The following TENM4 variants were observed in gnomAD, a reference collection of about 807,000 sequenced individuals.
TENM4 encodes teneurin-4.
A neutral mutation model predicts 243.3 loss-of-function variants in TENM4; 82 were observed. The observed-to-expected ratio is 0.34, with a 90% CI of 0.28 to 0.40. TENM4 has a LOEUF of 0.40. TENM4 is among the 10% of genes least tolerant of loss of function. The probability of loss-of-function intolerance (pLI) is 1.00; values close to 1 mark genes in which losing one functional copy is unlikely to be tolerated. For missense variants in TENM4, 3,138 were observed against 3,673.3 expected (o/e 0.85, Z 3.77); for synonymous variants, 1,412 against 1,456.3 (o/e 0.97, Z 0.69).
At chr11:79,409,259 G>A (rs1858648101) in intron 1 of TENM4, among the ~76,000 whole-genome samples, 2 of 152,012 alleles carry the variant, frequency 1.3e-5, no homozygotes, top group African/African-American at 2.4e-5. Flanking sequence ...AAAAATAGCT[G>A]TGTGGTAGAG....
chr11:79,274,871 T>C (rs1856026329), intron 2 of TENM4, among the ~76,000 whole-genome samples: 1 of 152,186 alleles, frequency 6.6e-6, no homozygotes, highest in Non-Finnish European at 1.5e-5. Flanking sequence ...TCACTTGCCA[T>C]GTGACCTTAG....
rs1857516823 is a variant in TENM4, at chr11:78,812,252, A to C, written c.1848T>G (p.Ser616Arg). 1.3e-6 allele frequency: 2 copies of C among 1,552,094 alleles called. No individual in the cohort carries two copies. Among genetic ancestry groups the C allele is most frequent in the Non-Finnish European group, 1.7e-6 (2 of 1,147,198 alleles). Residue 616 changes from serine to arginine, a missense_variant, in exon 14 of 34, where the codon AGT becomes AGG. Around this residue, in one of 2 missense-constraint regions of TENM4, gnomAD observed 2,467 missense variants for 3,059.1 expected, o/e 0.81. Transcript: ENST00000278550. ...CATCGCACTCAGCGCCTTTCCAGCC[A>C]CTGTGGCACAAGCATCTGCCTTTCA... ...QYMKGRCLCH[S>R]GWKGAECDVP...
At chr11:79,089,880 A>C (rs569887881) in intron 4 of TENM4, among the ~76,000 whole-genome samples, 1 of 152,196 alleles carries the variant, frequency 6.6e-6, no homozygotes, top group African/African-American at 2.4e-5. Context: ...AGAATCACAG[A>C]GGGCAAGGAT....
intron 1 of TENM4, among the ~76,000 whole-genome samples, chr11:79,404,361 A>T (rs895147228): frequency 6.6e-6 from 1 of 152,262 alleles, no homozygotes; most frequent in Non-Finnish European, 1.5e-5. Flanking sequence ...CTAAGAAAAC[A>T]TAAGGGTTAA....
chr11:79,017,217 T>G (rs1481123706), intron 6 of TENM4, among the ~76,000 whole-genome samples: 2 of 152,108 alleles, frequency 1.3e-5, no homozygotes, highest in African/African-American at 4.8e-5. Flanking sequence ...GCAAACAGGA[T>G]CAGTTTAGAC....
chr11:79,139,000 A>T (rs1212256499), intron 4 of TENM4, among the ~76,000 whole-genome samples: 13 of 51,670 alleles, frequency 2.5e-4, no homozygotes, highest in Non-Finnish European at 3.4e-4. Flanking sequence ...AAATATATAA[A>T]ATATATATTA....
chr11:79,043,973 G>A (rs1859598951), intron 6 of TENM4, among the ~76,000 whole-genome samples: 1 of 152,128 alleles, frequency 6.6e-6, no homozygotes, highest in South Asian at 2.1e-4. Context: ...TATTTTGCCG[G>A]TTTTGCACTA....
At chr11:78,794,657 T>G (rs1252549525) in intron 15 of TENM4, among the ~76,000 whole-genome samples, 1 of 151,968 alleles carries the variant, frequency 6.6e-6, no homozygotes, top group Non-Finnish European at 1.5e-5. Flanking sequence ...AAGGTGGATG[T>G]GGAATAAAGG....
intron 12 of TENM4, among the ~76,000 whole-genome samples, chr11:78,835,087 T>A (rs919255581): frequency 6.6e-6 from 1 of 152,194 alleles, no homozygotes; most frequent in African/African-American, 2.4e-5. Context: ...TTTAAATCAT[T>A]ACTCTTATTA....
At chr11:79,184,012 C>T (rs932766571) in intron 3 of TENM4, among the ~76,000 whole-genome samples, 3 of 151,876 alleles carry the variant, frequency 2.0e-5, no homozygotes, top group Admixed American at 6.6e-5. Flanking sequence ...GAATATATAC[C>T]CAAAAGAACT....
chr11:78,995,213 G>A (rs545569328), intron 6 of TENM4, among the ~76,000 whole-genome samples: 6 of 152,262 alleles, frequency 3.9e-5, no homozygotes, highest in South Asian at 2.1e-4. Context: ...GAGACACACC[G>A]TACCGGCTGA....
At chr11:79,043,321 G>T (rs868517951) in intron 6 of TENM4, among the ~76,000 whole-genome samples, 2 of 152,148 alleles carry the variant, frequency 1.3e-5, no homozygotes, top group Non-Finnish European at 2.9e-5. Flanking sequence ...TGCTTCTGGT[G>T]CATGGAAGGT....
intron 3 of TENM4, among the ~76,000 whole-genome samples, chr11:79,199,186 T>C (rs1863693061): frequency 6.6e-6 from 1 of 152,168 alleles, no homozygotes; most frequent in Non-Finnish European, 1.5e-5. Flanking sequence ...CCGGTGTGTC[T>C]GGATTCAAAT....
intron 4 of TENM4, among the ~76,000 whole-genome samples, chr11:79,100,751 T>C (rs900996100): frequency 1.3e-5 from 2 of 152,202 alleles, no homozygotes; most frequent in African/African-American, 4.8e-5. Context: ...AGTGGCAACC[T>C]GCTCCAGGAA....
At chr11:78,965,398 G>A (rs1363527746) in intron 6 of TENM4, among the ~76,000 whole-genome samples, 6 of 151,832 alleles carry the variant, frequency 4.0e-5, no homozygotes, top group Non-Finnish European at 8.8e-5. Context: ...GCCAATATAC[G>A]TTGATTTCCT....
At chr11:78,831,769 T>C (rs1299598267) in intron 12 of TENM4, among the ~76,000 whole-genome samples, 1 of 152,204 alleles carries the variant, frequency 6.6e-6, no homozygotes, top group Admixed American at 6.5e-5. Context: ...AGCTTTATTT[T>C]AGGCAAATCA....
intron 15 of TENM4, among the ~76,000 whole-genome samples, chr11:78,803,087 G>C (rs1857314049): frequency 1.3e-5 from 2 of 150,668 alleles, no homozygotes; most frequent in African/African-American, 4.9e-5. Context: ...CTGGAGTACA[G>C]TGGCACGATC....
At chr11:79,312,812 G>A (rs1407951038) in intron 1 of TENM4, among the ~76,000 whole-genome samples, 1 of 152,180 alleles carries the variant, frequency 6.6e-6, no homozygotes, top group African/African-American at 2.4e-5. Context: ...TGCCAAGCCT[G>A]CCACTAGCAT....
intron 1 of TENM4, among the ~76,000 whole-genome samples, chr11:79,383,081 C>T (rs533678105): frequency 2.0e-5 from 3 of 152,318 alleles, no homozygotes; most frequent in African/African-American, 7.2e-5. Flanking sequence ...CCTTTCTGCC[C>T]TGCTCTGTGC....
Sources: allele counts gnomAD v4.1 joint callset (sites outside exome capture counted in the v4.1 genomes callset), GRCh38; gene constraint gnomAD v4.1.1; regional missense constraint gnomAD v4.1.1; transcripts MANE v1.5; gene names NCBI Gene and HGNC (gene_info 2026-07-23, HGNC 2026-07-21).